NFASC: variants seen among roughly 807,000 people sequenced by gnomAD.
The protein encoded by NFASC is neurofascin.
Under a neutral mutation model 147.5 loss-of-function variants are expected in NFASC, and 43 were observed. The observed-to-expected ratio is 0.29, with a 90% CI of 0.23 to 0.38. NFASC has a LOEUF of 0.38. Among genes scored for constraint, NFASC ranks in the 10% least tolerant of loss-of-function variants. NFASC has a pLI of 1.00. For missense variants in NFASC, 1,320 were observed against 1,689.0 expected (o/e 0.78, Z 3.83); for synonymous variants, 622 against 665.5 (o/e 0.93, Z 1.01).
Position 204,957,777 on chromosome 1 carries a change from C to T in NFASC, c.657C>T (p.Phe219=). The T allele has an allele frequency of 6.2e-7, 1 of 1,614,210 alleles. No individual in the cohort carries two copies. ...ACAGTTGTAACGCCCGCTTCCACTT[C>T]ACCCACACCATCCAGCAGAAGAACC... ...TDYSCNARFH[F]THTIQQKNPF... The change falls in exon 8 of 30, where the codon TTC becomes TTT. Residue 219 remains phenylalanine (F), a synonymous_variant. Transcript: ENST00000339876.
chr1:204,954,894 C>T lies in NFASC; in HGVS notation c.478C>T (p.Leu160Phe). The part of the protein sequence containing the change: ...VVVQEGAPLT[L>F]QCNPPPGLPS... ...GGTCCAAGAGGGCGCTCCTTTGACG[C>T]TCCAGTGCAACCCCCCGCCTGGACT... Residue 160 changes from leucine to phenylalanine, a missense_variant, in exon 7 of 30, where the codon CTC becomes TTC. Physicochemically the swap from Leu to Phe is conservative, Grantham distance 22. Transcript: ENST00000339876. The surrounding 1 kb of genome is among the most constrained non-coding windows in gnomAD (Gnocchi z 5.7). The T allele has an allele frequency of 6.2e-7, 1 of 1,614,156 alleles. No individual in the cohort carries two copies. Among genetic ancestry groups the T allele is most frequent in the Non-Finnish European group, 8.5e-7 (1 of 1,180,006 alleles).
At chr1:204,946,685 G>A in intron 3 of NFASC, 1 of 517,518 alleles carries the variant, frequency 1.9e-6, no homozygotes, top group Non-Finnish European at 3.9e-6. Context: ...GTCATGTACG[G>A]CGAGGGCATT....
intron 29 of NFASC, 146 bp downstream of exon 29, chr1:205,013,012 C>T (rs769054673): frequency 1.8e-5 from 12 of 657,550 alleles, no homozygotes; most frequent in Admixed American, 7.5e-5. Flanking sequence ...TCTCTGGTGG[C>T]GCTGTGGTGG....
chr1:204,963,090 A>G (rs1332054945), intron 8 of NFASC, among the ~76,000 whole-genome samples: 3 of 152,292 alleles, frequency 2.0e-5, no homozygotes, highest in East Asian at 1.9e-4. Context: ...TGAAACAGAT[A>G]GGAAGTGTCT....
rs1279886503 is a variant in NFASC at position 205,010,092 on chromosome 1, A to C, written c.3421+404A>C. 2 of 213,278 alleles carry C rather than the reference A, an allele frequency of 9.4e-6. No homozygotes were observed. The highest frequency in any genetic ancestry group is 2.2e-4 in the East Asian group (2 of 8,922). 13.2% of individuals were successfully genotyped at this position (213,278 alleles called of 1,614,324 possible). On this transcript the variant is annotated intron_variant, in intron 28 of 29. Coordinates refer to ENST00000339876, the MANE Select transcript of NFASC (RefSeq NM_001005388.3). The surrounding 1 kb of genome is among the most constrained non-coding windows in gnomAD (Gnocchi z 4.1). ...CCTAACCGTGTCCCAGAGAATGGGG[A>C]GAGGAGGGGCCTGGGCAGAAGCAGC...
chr1:204,884,165 TG>T (rs1425973574), intron 1 of NFASC, among the ~76,000 whole-genome samples: 1 of 151,952 alleles, frequency 6.6e-6, no homozygotes, highest in African/African-American at 2.4e-5. Context: ...GGGCCTTGGG[TG>T]TTTTCAGGGG....
chr1:204,861,184 G>A (rs1380187610), intron 1 of NFASC, among the ~76,000 whole-genome samples: 8 of 148,112 alleles, frequency 5.4e-5, no homozygotes, highest in African/African-American at 2.0e-4. Context: ...GACCTCCTGG[G>A]CACAAGCAAT....
At chr1:204,885,838 G>T (rs1449310211) in intron 1 of NFASC, among the ~76,000 whole-genome samples, 1 of 152,186 alleles carries the variant, frequency 6.6e-6, no homozygotes, top group Non-Finnish European at 1.5e-5. Context: ...CCTGTCGAAG[G>T]GTGAGTTCTT....
intron 1 of NFASC, among the ~76,000 whole-genome samples, chr1:204,899,769 A>C (rs999076104): frequency 6.6e-6 from 1 of 152,218 alleles, no homozygotes; most frequent in Non-Finnish European, 1.5e-5. Context: ...CCATTTTCCC[A>C]TCAGTATTAA....
chr1:204,839,773 C>G (rs780847251), intron 1 of NFASC, among the ~76,000 whole-genome samples: 6 of 152,204 alleles, frequency 3.9e-5, no homozygotes, highest in Non-Finnish European at 8.8e-5. Context: ...TAAATGGTGA[C>G]AGAGCCTTGC....
At chr1:204,935,722 A>G (rs574390491) in intron 2 of NFASC, among the ~76,000 whole-genome samples, 2 of 152,258 alleles carry the variant, frequency 1.3e-5, no homozygotes, top group Admixed American at 1.3e-4. Flanking sequence ...CCCGGTCCTC[A>G]ACACAAATGC....
intron 21 of NFASC, among the ~76,000 whole-genome samples, chr1:204,983,279 A>G (rs2095543608): frequency 6.6e-6 from 1 of 152,154 alleles, no homozygotes; most frequent in Non-Finnish European, 1.5e-5. Flanking sequence ...AGGTAGTCGC[A>G]GGGTCAGAAT....
chr1:204,858,277 GCTC>G (rs2076347805), intron 1 of NFASC, among the ~76,000 whole-genome samples: 1 of 152,052 alleles, frequency 6.6e-6, no homozygotes. Context: ...ACCCATGTGA[GCTC>G]CTTTTACCTT....
intron 11 of NFASC, 30 bp downstream of exon 11, chr1:204,970,777 T>C (rs764067785): frequency 6.2e-7 from 1 of 1,613,890 alleles, no homozygotes; most frequent in Non-Finnish European, 8.5e-7. Flanking sequence ...CCCATCTGAC[T>C]CTCATCTCTC....
intron 3 of NFASC, among the ~76,000 whole-genome samples, chr1:204,947,699 A>G (rs1205821010): frequency 6.6e-6 from 1 of 151,606 alleles, no homozygotes; most frequent in African/African-American, 2.4e-5. Flanking sequence ...CGCCTCATCA[A>G]CCAGAGTGAG....
chr1:204,991,458 G>A (rs1456147544), intron 24 of NFASC, among the ~76,000 whole-genome samples, 152 bp downstream of exon 24: 1 of 152,208 alleles, frequency 6.6e-6, no homozygotes, highest in African/African-American at 2.4e-5. Context: ...CTGTCAAGAG[G>A]GATGTGTGTG....
intron 1 of NFASC, among the ~76,000 whole-genome samples, chr1:204,846,310 A>G (rs12121194): frequency 0.024 from 3,713 of 152,178 alleles, 73 homozygotes; most frequent in Non-Finnish European, 0.034. Flanking sequence ...ATTGGAATCC[A>G]TTTCTCATAG....
At chr1:204,836,319 T>A (rs1046158029) in intron 1 of NFASC, among the ~76,000 whole-genome samples, 2 of 152,214 alleles carry the variant, frequency 1.3e-5, no homozygotes, top group African/African-American at 4.8e-5. Context: ...TCTTACTGTG[T>A]GTTGACCATA....
Position 205,001,997 on chromosome 1 carries a change from C to G in NFASC, c.3137-599C>G, listed in dbSNP as rs1190546055. Among the ~76,000 whole-genome samples the G allele has an allele frequency of 2.0e-5, 3 of 152,352 alleles. No individual in the cohort carries two copies. The South Asian group carries it at 6.2e-4, about 32-fold the overall frequency. On this transcript the variant is annotated intron_variant, in intron 26 of 29. Coordinates refer to ENST00000339876, the MANE Select transcript of NFASC (RefSeq NM_001005388.3). ...GAGAGCAAAGCTGACTTAGTTCTCT[C>G]TGGTTGGAGGAGGAGTTCACATCCA...
Sources: allele counts gnomAD v4.1 joint callset (sites outside exome capture counted in the v4.1 genomes callset), GRCh38; gene constraint gnomAD v4.1.1; non-coding constraint Gnocchi (gnomAD v3.1); transcripts MANE v1.5; gene names NCBI Gene and HGNC (gene_info 2026-07-23, HGNC 2026-07-21).